LMX1A: variants seen among roughly 807,000 people sequenced by gnomAD.
The protein encoded by LMX1A is LIM homeobox transcription factor 1 alpha, also known as LIM homeobox transcription factor 1-alpha.
A neutral mutation model predicts 49.1 loss-of-function variants in LMX1A; 15 were observed. That is an observed-to-expected ratio of 0.31 (90% CI 0.20 to 0.47). The LOEUF is 0.47. LMX1A is among the 20% of genes least tolerant of loss of function. LMX1A has a pLI of 1.00. For missense variants in LMX1A, 372 were observed against 475.8 expected (o/e 0.78, Z 2.03); for synonymous variants, 167 against 185.7 (o/e 0.90, Z 0.82).
At chr1:165,228,892 A>G (rs1004646654) in intron 4 of LMX1A, among the ~76,000 whole-genome samples, 7 of 152,190 alleles carry the variant, frequency 4.6e-5, no homozygotes, top group Non-Finnish European at 1.0e-4. Context: ...TGGATACCTT[A>G]TCATCTTGCT....
chr1:165,356,197 C>T (rs1214188532), intron 1 of LMX1A, 158 bp downstream of exon 1: 1 of 152,406 alleles, frequency 6.6e-6, no homozygotes, highest in Non-Finnish European at 1.5e-5. Flanking sequence ...GGGAGGTCCT[C>T]CCGCCAGTCG....
intron 3 of LMX1A, among the ~76,000 whole-genome samples, chr1:165,336,710 C>T (rs1655909372): frequency 6.6e-6 from 1 of 152,158 alleles, no homozygotes. Context: ...TGGAATCACC[C>T]TTCTGTCTTC....
chr1:165,207,409 T>G (rs1316624442), intron 7 of LMX1A: 1 of 152,088 alleles, frequency 6.6e-6, no homozygotes, highest in Non-Finnish European at 1.5e-5. Flanking sequence ...CAAAAGCACA[T>G]CTGGGTAGAG....
intron 5 of LMX1A, chr1:165,211,176 TCTC>T (rs945413799): frequency 7.1e-5 from 11 of 155,606 alleles, no homozygotes; most frequent in Non-Finnish European, 1.3e-4. Flanking sequence ...TCTCTCTTGG[TCTC>T]CTCTCTTGCC....
At position 165,209,642 on chromosome 1, in the gene LMX1A, G is replaced by A. The variant is rs138449172; in HGVS notation, c.747+1057C>T. Among the ~76,000 whole-genome samples the A allele has an allele frequency of 2.4e-3, 365 of 152,358 alleles. 2 individuals are homozygous for A. The highest frequency in any genetic ancestry group is 8.2e-3 in the African/African-American group (339 of 41,586). ...AATTTCCTGGAGGCTGGGGTGCACA[G>A]GGAGGGCATGGAAGCTTCACACCCT... is the stretch of plus-strand genomic sequence containing the variant. On this transcript the variant is annotated intron_variant, in intron 6 of 8. Transcript: ENST00000342310.
Position 165,355,455 on chromosome 1 carries a change from C to A in LMX1A, c.76+29G>T, listed in dbSNP as rs760214634. Reference sequence around the variant, plus strand: ...CTCAGCGCCAAGCGGAAAGAGAGTGCGCCCAGGACGCACGGCCTGAACACT... The same window carrying A: ...CTCAGCGCCAAGCGGAAAGAGAGTGAGCCCAGGACGCACGGCCTGAACACT... On this transcript the variant is annotated intron_variant, in intron 2 of 8. Transcript: ENST00000342310. The surrounding 1 kb of genome is among the most constrained non-coding windows in gnomAD (Gnocchi z 4.7). 1 of 1,609,414 alleles carries A rather than the reference C, an allele frequency of 6.2e-7. No individual in the cohort carries two copies.
intron 3 of LMX1A, among the ~76,000 whole-genome samples, chr1:165,258,273 T>G (rs180790431): frequency 8.6e-4 from 131 of 152,154 alleles, no homozygotes; most frequent in African/African-American, 3.0e-3. Context: ...GGAGAGATGG[T>G]GAGAGAAGGG....
At chr1:165,279,823 G>A (rs1201334622) in intron 3 of LMX1A, among the ~76,000 whole-genome samples, 1 of 152,128 alleles carries the variant, frequency 6.6e-6, no homozygotes, top group African/African-American at 2.4e-5. Context: ...CTCAAGTGGG[G>A]ATTTTTGGGG....
rs1001139505 is a variant in LMX1A at position 165,314,867 on chromosome 1, G to A, written c.263+38209C>T. Among the ~76,000 whole-genome samples, 17 of 152,258 alleles carry A rather than the reference G, an allele frequency of 1.1e-4. No individual in the cohort carries two copies. In the East Asian group the frequency reaches 1.7e-3, roughly 16 times the overall value. On this transcript the variant is annotated intron_variant, in intron 3 of 8. Transcript: ENST00000342310. ...GAGGGCATAACTAGCAGATAGTGGC[G>A]GATGGCTTCCACTTGGCATCAGATG...
chr1:165,346,483 A>G (rs1360430670), intron 3 of LMX1A, among the ~76,000 whole-genome samples: 1 of 152,236 alleles, frequency 6.6e-6, no homozygotes, highest in Non-Finnish European at 1.5e-5. Flanking sequence ...TAATCTGTGC[A>G]TGGCAGCAAG....
chr1:165,293,532 G>A (rs192560468), intron 3 of LMX1A, among the ~76,000 whole-genome samples: 31 of 152,342 alleles, frequency 2.0e-4, no homozygotes, highest in Admixed American at 1.6e-3. Flanking sequence ...GAGAGCAAAA[G>A]AGACCTGAGA....
intron 3 of LMX1A, among the ~76,000 whole-genome samples, chr1:165,313,036 G>A (rs952572767): frequency 6.6e-6 from 1 of 152,130 alleles, no homozygotes; most frequent in African/African-American, 2.4e-5. Context: ...CTGAAGAAGT[G>A]GCATTCTTGT....
intron 3 of LMX1A, among the ~76,000 whole-genome samples, chr1:165,302,692 C>T (rs1268228472): frequency 1.3e-5 from 2 of 152,196 alleles, no homozygotes; most frequent in Admixed American, 6.5e-5. Context: ...CACAGCACTA[C>T]CACTGAATTT....
intron 3 of LMX1A, among the ~76,000 whole-genome samples, chr1:165,305,640 T>C (rs549936041): frequency 7.2e-5 from 11 of 152,286 alleles, no homozygotes; most frequent in African/African-American, 2.2e-4. Context: ...AAACGTCAAA[T>C]TGGATATCCA....
At chr1:165,270,663 T>A (rs147048187) in intron 3 of LMX1A, among the ~76,000 whole-genome samples, 1 of 152,198 alleles carries the variant, frequency 6.6e-6, no homozygotes, top group African/African-American at 2.4e-5. Context: ...TTGGTTTGAG[T>A]GGGATGGAAG....
intron 3 of LMX1A, among the ~76,000 whole-genome samples, chr1:165,306,176 A>G (rs1398715715): frequency 9.2e-5 from 14 of 152,164 alleles, no homozygotes; most frequent in Non-Finnish European, 1.5e-5. Context: ...CTGTTCATCT[A>G]GTCTCCAGAG....
At chr1:165,314,768 G>A (rs1326631938) in intron 3 of LMX1A, among the ~76,000 whole-genome samples, 1 of 152,118 alleles carries the variant, frequency 6.6e-6, no homozygotes, top group Non-Finnish European at 1.5e-5. Context: ...AGCAGTTTCT[G>A]TTTTCTACAG....
At chr1:165,247,297 G>T (rs1318003679) in intron 4 of LMX1A, among the ~76,000 whole-genome samples, 1 of 151,894 alleles carries the variant, frequency 6.6e-6, no homozygotes, top group Non-Finnish European at 1.5e-5. Flanking sequence ...TGATGATGCT[G>T]TATTCTAATC....
intron 3 of LMX1A, among the ~76,000 whole-genome samples, chr1:165,272,283 A>G (rs1337858928): frequency 6.6e-6 from 1 of 152,180 alleles, no homozygotes; most frequent in Non-Finnish European, 1.5e-5. Context: ...CACAAAAACA[A>G]ATTCCACCAT....
Sources: allele counts gnomAD v4.1 joint callset (sites outside exome capture counted in the v4.1 genomes callset), GRCh38; gene constraint gnomAD v4.1.1; non-coding constraint Gnocchi (gnomAD v3.1); transcripts MANE v1.5; gene names NCBI Gene and HGNC (gene_info 2026-07-23, HGNC 2026-07-21).